Variants in ZPLD1 observed in about 807,000 individuals in gnomAD.
ZPLD1 encodes zona pellucida like domain containing 1.
A neutral mutation model predicts 47.2 loss-of-function variants in ZPLD1; 34 were observed. That is an observed-to-expected ratio of 0.72 (90% CI 0.55 to 0.96). The LOEUF (loss-of-function observed/expected upper bound fraction) is 0.96. Among genes scored for constraint, ZPLD1 ranks in the 40% least tolerant of loss-of-function variants. The pLI is 0.00. For synonymous variants in ZPLD1, 176 were observed against 186.2 expected (o/e 0.95, Z 0.45); for missense variants, 512 against 505.8 (o/e 1.01, Z -0.12).
intron 6 of ZPLD1, 129 bp from the exon 7 acceptor site, chr3:102,462,152 T>G: frequency 1.8e-6 from 1 of 551,966 alleles, no homozygotes; most frequent in Non-Finnish European, 3.1e-6. Flanking sequence ...ACGTAAATCC[T>G]TTTTGGATTG....
intron 10 of ZPLD1, among the ~76,000 whole-genome samples, chr3:102,476,462 C>T (rs930476831): frequency 6.6e-6 from 1 of 152,058 alleles, no homozygotes; most frequent in Non-Finnish European, 1.5e-5. Flanking sequence ...ACAACTCAGG[C>T]TCAGGAGTCA....
At position 102,391,435 on chromosome 3, in the gene ZPLD1, C is replaced by T. The variant is rs566042686; in HGVS notation, c.-212-735C>T. Among the ~76,000 whole-genome samples, 4 of 152,108 alleles carry T rather than the reference C, an allele frequency of 2.6e-5. No individual in the cohort carries two copies. In the East Asian group the frequency reaches 7.7e-4, roughly 29 times the overall value. Reference sequence around the variant, plus strand: ...GTGTCTGTGTTCCTTCCTCTTGAATCTGAATGAGATTGTGATAATAGCAGA... The same window carrying T: ...GTGTCTGTGTTCCTTCCTCTTGAATTTGAATGAGATTGTGATAATAGCAGA... On this transcript the variant is annotated intron_variant, in intron 6 of 17. Coordinates refer to the ZPLD1 transcript ENST00000491959.
intron 3 of ZPLD1, among the ~76,000 whole-genome samples, chr3:102,448,810 C>A (rs1275856383): frequency 1.3e-5 from 2 of 152,112 alleles, no homozygotes; most frequent in African/African-American, 4.8e-5. Flanking sequence ...GGAAACTGGT[C>A]TTTAGTTGGT....
At chr3:102,447,215 G>A (rs777603827) in intron 3 of ZPLD1, among the ~76,000 whole-genome samples, 27 of 152,136 alleles carry the variant, frequency 1.8e-4, no homozygotes, top group Admixed American at 3.3e-4. Context: ...ACAGACATGC[G>A]TGACCACACC....
chr3:102,398,041 C>T (rs975669654), intron 7 of ZPLD1, among the ~76,000 whole-genome samples: 6 of 152,066 alleles, frequency 3.9e-5, no homozygotes, highest in Admixed American at 3.3e-4. Context: ...TGTGAATGCA[C>T]ACCCACATAA....
chr3:102,457,923 T>C, intron 6 of ZPLD1, 70 bp downstream of exon 6: 1 of 1,475,028 alleles, frequency 6.8e-7, no homozygotes, highest in Non-Finnish European at 9.4e-7. Flanking sequence ...TGAATGGCTT[T>C]TATATAAAAA....
chr3:102,394,343 A>C (rs879534358), intron 7 of ZPLD1, among the ~76,000 whole-genome samples: 8 of 152,182 alleles, frequency 5.3e-5, no homozygotes, highest in Non-Finnish European at 1.2e-4. Flanking sequence ...AAACACCCAC[A>C]GTACACAGAT....
At chr3:102,413,022 A>G (rs1478714812) in intron 7 of ZPLD1, among the ~76,000 whole-genome samples, 3 of 151,806 alleles carry the variant, frequency 2.0e-5, no homozygotes, top group Non-Finnish European at 4.4e-5. Flanking sequence ...GCCTATAATG[A>G]TTTTACATGG....
At chr3:102,385,184 T>C (rs1426126122) in exon 6 of ZPLD1, 1 of 152,200 alleles carries the variant, frequency 6.6e-6, no homozygotes, top group Non-Finnish European at 1.5e-5. Flanking sequence ...TAGACCTTTT[T>C]CTAAAAGTCT....
intron 3 of ZPLD1, among the ~76,000 whole-genome samples, chr3:102,446,893 A>C (rs1484556502): frequency 1.3e-5 from 2 of 152,138 alleles, no homozygotes; most frequent in Admixed American, 1.3e-4. Context: ...TTGTTATCTC[A>C]AAGTCTAGCA....
intron 7 of ZPLD1, among the ~76,000 whole-genome samples, chr3:102,395,558 A>G (rs1056043502): frequency 4.6e-5 from 7 of 152,184 alleles, no homozygotes; most frequent in African/African-American, 1.2e-4. Flanking sequence ...GAAGGAATGC[A>G]GTCGTTGCTG....
chr3:102,470,871 CG>C, intron 10 of ZPLD1, among the ~76,000 whole-genome samples: 1 of 151,118 alleles, frequency 6.6e-6, no homozygotes, highest in African/African-American at 2.4e-5. Flanking sequence ...CTCCGCCTCC[CG>C]GGTTCAAGAG....
chr3:102,410,648 G>A (rs62274725), intron 7 of ZPLD1, among the ~76,000 whole-genome samples: 20,010 of 151,696 alleles, frequency 0.13, 1,382 homozygotes, highest in Middle Eastern at 0.17. Flanking sequence ...TTGGTCTTTA[G>A]AAATGGTGAA....
intron 7 of ZPLD1, among the ~76,000 whole-genome samples, chr3:102,415,820 A>T (rs1307328918): frequency 1.3e-5 from 2 of 151,880 alleles, no homozygotes; most frequent in African/African-American, 4.8e-5. Flanking sequence ...TTAAAGGATG[A>T]CAGGAATGAA....
chr3:102,467,281 A>G (rs1358908006), intron 8 of ZPLD1, among the ~76,000 whole-genome samples: 1 of 152,142 alleles, frequency 6.6e-6, no homozygotes, highest in African/African-American at 2.4e-5. Flanking sequence ...AGAAGTTAAG[A>G]AAAAGTTGGT....
rs1707443471 is a variant in ZPLD1, at chr3:102,457,864, G to A, written c.582+11G>A. The A allele has an allele frequency of 1.9e-6, 3 of 1,613,322 alleles. No individual in the cohort carries two copies. Among genetic ancestry groups the A allele is most frequent in the Non-Finnish European group, 2.5e-6 (3 of 1,179,476 alleles). On this transcript the variant is annotated intron_variant, in intron 6 of 11. Transcript: ENST00000466937. ...CTGCTCCTTTATAACGTAAGTTGAT[G>A]GGTGAAGGATGTTATTTTCTCTTTC...
At chr3:102,393,249 G>A (rs1291865512) in intron 7 of ZPLD1, among the ~76,000 whole-genome samples, 3 of 152,088 alleles carry the variant, frequency 2.0e-5, no homozygotes, top group Non-Finnish European at 2.9e-5. Context: ...CCACGTCAAA[G>A]CCAACTACCG....
chr3:102,453,905 A>T (rs2107337148), intron 4 of ZPLD1, among the ~76,000 whole-genome samples: 1 of 152,342 alleles, frequency 6.6e-6, no homozygotes, highest in Middle Eastern at 3.4e-3. Flanking sequence ...ATATATTGTG[A>T]TTTGACAGGA....
intron 3 of ZPLD1, among the ~76,000 whole-genome samples, chr3:102,440,989 G>A (rs1354157591): frequency 6.6e-6 from 1 of 152,196 alleles, no homozygotes; most frequent in Non-Finnish European, 1.5e-5. Flanking sequence ...TTTGATTTAA[G>A]TGAGAAGGAG....
Sources: gnomAD v4.1 joint callset for allele counts (sites outside exome capture counted in the v4.1 genomes callset) on GRCh38, gnomAD v4.1.1 for gene constraint, MANE v1.5 for transcripts, NCBI Gene and HGNC (gene_info 2026-07-23, HGNC 2026-07-21) for gene names.